Variants in ABCC4 observed in about 807,000 individuals in gnomAD.
The protein encoded by ABCC4 is ATP-binding cassette sub-family C member 4.
Under a neutral mutation model 168.5 loss-of-function variants are expected in ABCC4, and 102 were observed. The ratio of observed to expected loss-of-function variants is 0.61; its 90% CI spans 0.52 to 0.71. ABCC4 has a LOEUF of 0.71. Ranked by LOEUF, ABCC4 falls within the 30% of genes least tolerant of loss-of-function variation. The pLI is 0.00. For synonymous variants in ABCC4, 617 were observed against 590.7 expected (o/e 1.04, Z -0.65); for missense variants, 1,402 against 1,605.8 (o/e 0.87, Z 2.17).
At chr13:95,275,793 C>G (rs907679105) in intron 1 of ABCC4, among the ~76,000 whole-genome samples, 1 of 149,902 alleles carries the variant, frequency 6.7e-6, no homozygotes, top group Non-Finnish European at 1.5e-5. Context: ...CTGTCTAAAA[C>G]TGTTAACACT....
intron 20 of ABCC4, among the ~76,000 whole-genome samples, chr13:95,092,322 AT>A (rs2034460854): frequency 6.6e-6 from 1 of 152,218 alleles, no homozygotes; most frequent in African/African-American, 2.4e-5. Flanking sequence ...CTTAACATAC[AT>A]AAATAGAACA....
intron 1 of ABCC4, among the ~76,000 whole-genome samples, chr13:95,276,046 C>G (rs1594426462): frequency 6.6e-6 from 1 of 152,134 alleles, no homozygotes; most frequent in African/African-American, 2.4e-5. Context: ...CATACATGGT[C>G]TGTTAAAGGG....
chr13:95,187,780 C>T (rs565575630), intron 10 of ABCC4, among the ~76,000 whole-genome samples: 1 of 152,134 alleles, frequency 6.6e-6, no homozygotes, highest in Non-Finnish European at 1.5e-5. Flanking sequence ...AGATTTATTG[C>T]GTTGCTTTAG....
chr13:95,086,167 A>G (rs2139339832), intron 20 of ABCC4, among the ~76,000 whole-genome samples: 1 of 150,290 alleles, frequency 6.7e-6, no homozygotes, highest in South Asian at 2.1e-4. Flanking sequence ...CTCCCAGCTA[A>G]TTAGGAAATA....
At position 95,301,186 on chromosome 13, in the gene ABCC4, T is replaced by C; in HGVS notation, c.74+55A>G. 7.3e-6 allele frequency: 11 copies of C among 1,504,880 alleles called. No homozygotes were observed. In the South Asian group the frequency reaches 8.5e-5, roughly 12 times the overall value. The allele number at this position is 1,504,880 out of a possible 1,614,324, so 93.2% of individuals were successfully genotyped here. A position where few individuals can be genotyped will look rare whatever the true frequency, so the allele number is the denominator to read the frequency against. On this transcript the variant is annotated intron_variant, in intron 1 of 30. Coordinates refer to ENST00000645237, the MANE Select transcript of ABCC4 (RefSeq NM_005845.5). ...AGCATCGGGCGCGGCCCCGGGAGAG[T>C]GCGTCCGCGGCGCCAGCGGCTGCAG...
chr13:95,261,441 C>T (rs747047222), intron 1 of ABCC4, among the ~76,000 whole-genome samples: 2 of 152,040 alleles, frequency 1.3e-5, no homozygotes, highest in African/African-American at 2.4e-5. Flanking sequence ...CAGAGCAAGA[C>T]TCCCTATCAA....
At position 95,043,766 on chromosome 13, in the gene ABCC4, T is replaced by C; in HGVS notation, c.3651A>G (p.Lys1217=). Residue 1217 remains lysine, a synonymous_variant, in exon 29 of 31, where the codon AAA becomes AAG. Transcript: ENST00000645237. Reference sequence around the variant, plus strand: ...AGTGGGCAAATTTCTCCCGGATTTTTTTTTGTATTAACTCATCAGTTCTGC... The same window carrying C: ...AGTGGGCAAATTTCTCCCGGATTTTCTTTTGTATTAACTCATCAGTTCTGC... ...VDPRTDELIQ[K]KIREKFAHCT... 6.2e-7 allele frequency: 1 copy of C among 1,613,908 alleles called. No individual in the cohort carries two copies. The highest frequency in any genetic ancestry group is 8.5e-7 in the Non-Finnish European group (1 of 1,179,808).
intron 14 of ABCC4, among the ~76,000 whole-genome samples, chr13:95,166,832 G>A (rs933547453): frequency 2.0e-5 from 3 of 152,136 alleles, no homozygotes; most frequent in Admixed American, 6.5e-5. Context: ...GGAAAAAGGC[G>A]TGTGGGAACC....
intron 3 of ABCC4, among the ~76,000 whole-genome samples, chr13:95,239,256 A>C (rs1481387393): frequency 2.0e-5 from 3 of 152,136 alleles, no homozygotes; most frequent in Admixed American, 1.3e-4. Flanking sequence ...AAGTATGTTG[A>C]TATCAAGAGC....
chr13:95,071,784 G>A lies in ABCC4; in HGVS notation c.3088C>T (p.Arg1030Cys), dbSNP rs137918608. 88 of 1,607,186 alleles carry A rather than the reference G, an allele frequency of 5.5e-5. No individual in the cohort carries two copies. The highest frequency in any genetic ancestry group is 1.0e-4 in the Admixed American group (6 of 59,024). The change falls in exon 25 of 31, where the codon CGC (arginine) becomes TGC (cysteine). Residue 1030 changes from arginine to cysteine, a missense_variant. This residue lies in a region of ABCC4 where 1,007 missense variants were observed against 1,127.3 expected (regional missense o/e 0.89). Coordinates refer to ENST00000645237, the MANE Select transcript of ABCC4 (RefSeq NM_005845.5). ...EKEAPWEYQK[R>C]PPPAWPHEGV... ...TCATGGGGCCAGGCTGGTGGTGGGC[G>A]TTTCTGATATTCCCAAGGTGCTTCT... is the stretch of plus-strand genomic sequence containing the variant.
intron 15 of ABCC4, among the ~76,000 whole-genome samples, chr13:95,164,826 C>T (rs1452356991): frequency 6.6e-6 from 1 of 152,138 alleles, no homozygotes; most frequent in Non-Finnish European, 1.5e-5. Flanking sequence ...TCCTGAGTAG[C>T]AGGGATTACA....
At chr13:95,203,818 C>T (rs1369519933) in intron 8 of ABCC4, among the ~76,000 whole-genome samples, 1 of 152,138 alleles carries the variant, frequency 6.6e-6, no homozygotes, top group African/African-American at 2.4e-5. Context: ...GTTAAGGACC[C>T]TCACACCCCC....
intron 11 of ABCC4, among the ~76,000 whole-genome samples, chr13:95,185,468 A>G (rs1564351): frequency 0.091 from 13,887 of 152,286 alleles, 655 homozygotes; most frequent in African/African-American, 0.11. Flanking sequence ...ATCGCCAGCA[A>G]ATACTACTCA....
chr13:95,201,952 G>A (rs967839634), intron 8 of ABCC4, among the ~76,000 whole-genome samples: 8 of 152,190 alleles, frequency 5.3e-5, no homozygotes, highest in Admixed American at 3.3e-4. Context: ...CAGCCTAGCC[G>A]ACAGAGTGAG....
intron 1 of ABCC4, among the ~76,000 whole-genome samples, chr13:95,295,962 C>CA (rs59341854): frequency 0.01 from 1,179 of 114,046 alleles, 8 homozygotes; most frequent in Middle Eastern, 0.018. Context: ...GAGACTCCGT[C>CA]AAAAAAAAAA....
intron 19 of ABCC4, 48 bp from the exon 20 acceptor site, chr13:95,116,049 T>C (rs745315894): frequency 7.3e-7 from 1 of 1,373,454 alleles, no homozygotes; most frequent in Non-Finnish European, 1.0e-6. Context: ...AGATAGACCC[T>C]TTAAGAGAAA....
In ABCC4 at chr13:95,145,678, G is replaced by T. The variant is rs9561792; in HGVS notation, c.2455+15511C>A. Reference sequence around the variant, plus strand: ...GTTTATCATAGCACTATTCACAATAGCAAACACAAGGAGTCAACTTAGGTG... The same window carrying T: ...GTTTATCATAGCACTATTCACAATATCAAACACAAGGAGTCAACTTAGGTG... On this transcript the variant is annotated intron_variant, in intron 19 of 30. Coordinates refer to ENST00000645237, the MANE Select transcript of ABCC4 (RefSeq NM_005845.5). Among the ~76,000 whole-genome samples, 6 of 150,834 alleles carry T rather than the reference G, an allele frequency of 4.0e-5. No individual in the cohort carries two copies. In the East Asian group the frequency reaches 1.2e-3, roughly 29 times the overall value.
At chr13:95,040,271 G>A (rs1436452881) in intron 29 of ABCC4, among the ~76,000 whole-genome samples, 9 of 152,052 alleles carry the variant, frequency 5.9e-5, no homozygotes, top group African/African-American at 2.2e-4. Flanking sequence ...TCACTCTGTC[G>A]CCCAGGCTGG....
At chr13:95,203,130 T>A (rs1247109765) in intron 8 of ABCC4, among the ~76,000 whole-genome samples, 1 of 152,228 alleles carries the variant, frequency 6.6e-6, no homozygotes, top group Non-Finnish European at 1.5e-5. Context: ...CATAAGGCAC[T>A]TGGGCCCCTC....
Sources: allele counts gnomAD v4.1 joint callset (sites outside exome capture counted in the v4.1 genomes callset), GRCh38; gene constraint gnomAD v4.1.1; regional missense constraint gnomAD v4.1.1; transcripts MANE v1.5; gene names NCBI Gene and HGNC (gene_info 2026-07-23, HGNC 2026-07-21).